The following PHF24 variants were observed in gnomAD, a reference collection of about 807,000 sequenced individuals.
The protein encoded by PHF24 is Galpha inhibitory interacting protein.
A neutral mutation model predicts 42.6 loss-of-function variants in PHF24; 25 were observed. That is an observed-to-expected ratio of 0.59 (90% CI 0.43 to 0.82). PHF24 has a LOEUF of 0.82. PHF24 is among the 40% of genes least tolerant of loss of function. The pLI is 0.00. For missense variants in PHF24, 470 were observed against 538.1 expected (o/e 0.87, Z 1.25); for synonymous variants, 185 against 204.8 (o/e 0.90, Z 0.83).
chr9:34,889,464 A>T, the PHF24 span: 1 of 398,570 alleles, frequency 2.5e-6, no homozygotes, highest in East Asian at 3.6e-5. Context: ...AGCTCCCCAC[A>T]CATGATCTTT....
At chr9:34,894,688 C>T in the PHF24 span, among the ~76,000 whole-genome samples, 1 of 152,312 alleles carries the variant, frequency 6.6e-6, no homozygotes, top group African/African-American at 2.4e-5. Flanking sequence ...TTGTCCTTCA[C>T]CATCACACTG....
the PHF24 span, among the ~76,000 whole-genome samples, chr9:34,899,037 A>G: frequency 1.3e-5 from 2 of 152,180 alleles, 1 homozygote; most frequent in Admixed American, 1.3e-4. Context: ...TTTGGGGCTC[A>G]TCGACAAGGG....
the PHF24 span, among the ~76,000 whole-genome samples, chr9:34,809,925 C>T: frequency 1.3e-4 from 19 of 150,112 alleles, no homozygotes; most frequent in African/African-American, 4.6e-4. This position sits in a 1 kb window ranked among gnomAD's most constrained non-coding sequence, Gnocchi z 4.1. Context: ...GCCAGTACCT[C>T]GGGGCGCGGG....
the PHF24 span, among the ~76,000 whole-genome samples, chr9:34,741,215 T>G: frequency 1.8e-4 from 26 of 148,122 alleles, no homozygotes; most frequent in Middle Eastern, 3.4e-3. Context: ...AAAAAAAGTT[T>G]AGAAACACAC....
chr9:34,846,039 G>A, the PHF24 span, among the ~76,000 whole-genome samples: 1 of 152,090 alleles, frequency 6.6e-6, no homozygotes, highest in South Asian at 2.1e-4. Context: ...TTGCTATTGT[G>A]AATAGTGCTG....
chr9:34,911,186 T>TA, the PHF24 span, among the ~76,000 whole-genome samples: 22 of 151,694 alleles, frequency 1.5e-4, no homozygotes, highest in South Asian at 4.2e-4. Context: ...AGACTTTTTT[T>TA]AAAAAAAAAC....
the PHF24 span, chr9:34,724,908 G>A: frequency 3.7e-3 from 5,791 of 1,550,448 alleles, 12 homozygotes; most frequent in Non-Finnish European, 4.3e-3. Flanking sequence ...TGCTTGTGCC[G>A]TAAAGTTGTC....
chr9:34,844,614 G>T, the PHF24 span, among the ~76,000 whole-genome samples: 1 of 152,020 alleles, frequency 6.6e-6, no homozygotes, highest in Non-Finnish European at 1.5e-5. Flanking sequence ...CTGTTAACAA[G>T]TTCTAGTTTT....
the PHF24 span, among the ~76,000 whole-genome samples, chr9:34,831,494 T>C: frequency 6.6e-6 from 1 of 152,088 alleles, no homozygotes; most frequent in African/African-American, 2.4e-5. Context: ...TCCCAGAAAC[T>C]TCAGTGCTCA....
chr9:34,886,834 GTATCTATCTATC>G, the PHF24 span, among the ~76,000 whole-genome samples: 1 of 148,694 alleles, frequency 6.7e-6, no homozygotes, highest in African/African-American at 2.5e-5. Flanking sequence ...ATGTATCTAT[GTATCTATCTATC>G]TATCTATCTA....
At chr9:34,694,144 G>A in the PHF24 span, among the ~76,000 whole-genome samples, 5 of 148,788 alleles carry the variant, frequency 3.4e-5, no homozygotes, top group Non-Finnish European at 7.4e-5. Context: ...TCCCTTCCAC[G>A]GGTCTATCTC....
the PHF24 span, among the ~76,000 whole-genome samples, chr9:34,750,653 A>G: frequency 8.5e-5 from 13 of 152,118 alleles, no homozygotes; most frequent in Non-Finnish European, 1.8e-4. Flanking sequence ...GTTATAAGAT[A>G]TTATTTGCAA....
At chr9:34,883,724 G>T in the PHF24 span, among the ~76,000 whole-genome samples, 1 of 152,206 alleles carries the variant, frequency 6.6e-6, no homozygotes. Context: ...AACAGGTGCT[G>T]GAGAGGATGT....
chr9:34,933,937 GT>G, the PHF24 span, among the ~76,000 whole-genome samples: 1 of 151,710 alleles, frequency 6.6e-6, no homozygotes, highest in East Asian at 2.0e-4. Flanking sequence ...TAGAGACAGG[GT>G]TTTACTATGT....
At chr9:34,810,045 G>T in the PHF24 span, among the ~76,000 whole-genome samples, 2 of 151,468 alleles carry the variant, frequency 1.3e-5, no homozygotes, top group African/African-American at 4.8e-5. Context: ...GCCTCAACTC[G>T]GCAGCTCAGC....
the PHF24 span, among the ~76,000 whole-genome samples, chr9:34,748,622 C>T: frequency 1.3e-5 from 2 of 152,118 alleles, no homozygotes; most frequent in Non-Finnish European, 2.9e-5. Context: ...CATAGAGTTA[C>T]CAAGGTGGTT....
At chr9:34,909,532 C>G in the PHF24 span, among the ~76,000 whole-genome samples, 1 of 151,842 alleles carries the variant, frequency 6.6e-6, no homozygotes. Flanking sequence ...TACCAGGGAC[C>G]GTTTGCAATT....
chr9:34,976,971 T>C, intron 5 of PHF24, 112 bp from the exon 6 acceptor site: 3 of 1,257,220 alleles, frequency 2.4e-6, no homozygotes, highest in African/African-American at 1.5e-5. Context: ...CCAGAAGGGC[T>C]CTGGGCAGCT....
At chr9:34,758,974 G>A in the PHF24 span, among the ~76,000 whole-genome samples, 4 of 152,080 alleles carry the variant, frequency 2.6e-5, no homozygotes, top group Middle Eastern at 3.4e-3. This position sits in a 1 kb window ranked among gnomAD's most constrained non-coding sequence, Gnocchi z 4.4. Flanking sequence ...CACTGCTCCC[G>A]TCACCACAGG....
Sources: gnomAD v4.1 joint callset for allele counts (sites outside exome capture counted in the v4.1 genomes callset) on GRCh38, gnomAD v4.1.1 for gene constraint, Gnocchi (gnomAD v3.1) non-coding constraint, MANE v1.5 for transcripts, NCBI Gene and HGNC (gene_info 2026-07-23, HGNC 2026-07-21) for gene names.